Variants in GRIP1 observed in about 807,000 individuals in gnomAD.
GRIP1 encodes glutamate receptor-interacting protein 1.
Under a neutral mutation model 129.9 loss-of-function variants are expected in GRIP1, and 45 were observed. The ratio of observed to expected loss-of-function variants is 0.35; its 90% CI spans 0.27 to 0.44. GRIP1 has a LOEUF of 0.44. Ranked by LOEUF, GRIP1 falls within the 20% of genes least tolerant of loss-of-function variation. The pLI is 1.00. For missense variants in GRIP1, 1,196 were observed against 1,396.8 expected (o/e 0.86, Z 2.29); for synonymous variants, 530 against 520.8 (o/e 1.02, Z -0.24).
rs572351454 is a variant in GRIP1 at position 66,657,138 on chromosome 12, T to C, written c.55+21712A>G. 2.0e-5 allele frequency among the ~76,000 whole-genome samples: 3 copies of C among 152,332 alleles called. No homozygotes were observed. The South Asian group carries it at 6.2e-4, about 32-fold the overall frequency. ...TAGGGAATTAATCAAAAGGTTAGAT[T>C]TGCCTCACCAAATTTTCACCTTTAA... On this transcript the variant is annotated intron_variant, in intron 1 of 24. Coordinates refer to ENST00000359742, the MANE Select transcript of GRIP1 (RefSeq NM_001366722.1).
intron 2 of GRIP1, among the ~76,000 whole-genome samples, chr12:66,570,104 C>CATGTATGTATGTATGTATGTATGT (rs58598900): frequency 6.6e-6 from 1 of 150,716 alleles, no homozygotes; most frequent in African/African-American, 2.4e-5. Flanking sequence ...GTAGGCATTG[C>CATGTATGTATGTATGTATGTATGT]ATGTATGTAT....
chr12:66,676,665 T>C (rs944382497), intron 1 of GRIP1, among the ~76,000 whole-genome samples: 3 of 152,110 alleles, frequency 2.0e-5, no homozygotes, highest in East Asian at 3.9e-4. Flanking sequence ...GAAATATGTA[T>C]GTTTGGGAGT....
chr12:67,046,793 G>A (rs774382), intron 1 of GRIP1, among the ~76,000 whole-genome samples: 52,933 of 151,904 alleles, frequency 0.35, 10,467 homozygotes, highest in Non-Finnish European at 0.46. Context: ...TCACAGTAGT[G>A]GGATCCTTCA....
chr12:66,839,262 G>C (rs1178148622), intron 1 of GRIP1, among the ~76,000 whole-genome samples: 1 of 152,176 alleles, frequency 6.6e-6, no homozygotes, highest in African/African-American at 2.4e-5. Flanking sequence ...AAGCAAAATT[G>C]CCCAATCAGT....
chr12:66,449,650 T>G (rs935291827), intron 11 of GRIP1, among the ~76,000 whole-genome samples: 1 of 152,104 alleles, frequency 6.6e-6, no homozygotes, highest in African/African-American at 2.4e-5. Context: ...TGATGTAGAG[T>G]GTACCGTGAT....
intron 1 of GRIP1, among the ~76,000 whole-genome samples, chr12:66,821,322 T>C (rs375263607): frequency 6.6e-6 from 1 of 152,174 alleles, no homozygotes; most frequent in East Asian, 1.9e-4. Context: ...GCTATGAAAA[T>C]GGAGCTAAAT....
intron 1 of GRIP1, among the ~76,000 whole-genome samples, chr12:66,844,805 T>G (rs1004870774): frequency 6.6e-6 from 1 of 152,188 alleles, no homozygotes; most frequent in Non-Finnish European, 1.5e-5. Flanking sequence ...CTCTGACAGA[T>G]GCTGTAACAT....
chr12:66,753,579 A>G (rs756954787), intron 1 of GRIP1, among the ~76,000 whole-genome samples: 10 of 152,132 alleles, frequency 6.6e-5, no homozygotes, highest in Non-Finnish European at 1.3e-4. Context: ...ACCTTAACCA[A>G]TATCTTCATT....
At chr12:66,418,502 A>C (rs1304992993) in intron 15 of GRIP1, among the ~76,000 whole-genome samples, 1 of 152,218 alleles carries the variant, frequency 6.6e-6, no homozygotes, top group Admixed American at 6.5e-5. Context: ...GTGAAGAGAC[A>C]ACTCACATAA....
intron 1 of GRIP1, among the ~76,000 whole-genome samples, chr12:66,851,432 T>A (rs2137079577): frequency 6.6e-6 from 1 of 152,218 alleles, no homozygotes; most frequent in South Asian, 2.1e-4. Context: ...AATATAGAGT[T>A]TTATTACAAT....
At position 66,753,389 on chromosome 12, in the gene GRIP1, G is replaced by A. The variant is rs530754826; in HGVS notation, c.-420+50664C>T. 2.0e-5 allele frequency among the ~76,000 whole-genome samples: 3 copies of A among 152,120 alleles called. No homozygotes were observed. In the East Asian group the frequency reaches 5.8e-4, roughly 29 times the overall value. On this transcript the variant is annotated intron_variant, in intron 1 of 4. Coordinates refer to the GRIP1 transcript ENST00000538373. ...CACTTATTCTAAGGATCTGGGACAT[G>A]GTAAAGTAACAGTAGGAAGAATCCA...
At chr12:66,682,928 T>C (rs116903759), upstream of GRIP1, among the ~76,000 whole-genome samples, 3 of 152,186 alleles carry the variant, frequency 2.0e-5, no homozygotes, top group Non-Finnish European at 4.4e-5. Context: ...CTTATTCATT[T>C]AACTATTACA....
intron 3 of GRIP1, among the ~76,000 whole-genome samples, chr12:66,541,172 T>C (rs2061769507): frequency 6.6e-6 from 1 of 152,130 alleles, no homozygotes; most frequent in South Asian, 2.1e-4. Flanking sequence ...AGATTTAGAA[T>C]GTATCTCAAG....
chr12:66,590,007 C>A (rs1463592979), intron 2 of GRIP1, among the ~76,000 whole-genome samples: 3 of 151,802 alleles, frequency 2.0e-5, no homozygotes, highest in African/African-American at 7.3e-5. Context: ...ATTTTTTTTT[C>A]ACTGCAAAAG....
At chr12:66,758,925 G>C (rs988513745) in intron 1 of GRIP1, among the ~76,000 whole-genome samples, 4 of 152,146 alleles carry the variant, frequency 2.6e-5, no homozygotes, top group Non-Finnish European at 4.4e-5. Context: ...TCATGGGCTG[G>C]CATTGAGTGT....
chr12:66,533,043 T>C (rs115981538), intron 4 of GRIP1, among the ~76,000 whole-genome samples: 140 of 152,206 alleles, frequency 9.2e-4, no homozygotes, highest in African/African-American at 3.2e-3. Flanking sequence ...AAACAAACAA[T>C]ATGCTAGGAA....
intron 1 of GRIP1, among the ~76,000 whole-genome samples, chr12:66,831,142 C>T (rs907437235): frequency 7.2e-5 from 11 of 152,194 alleles, no homozygotes; most frequent in South Asian, 2.1e-4. Flanking sequence ...GTGCGAGCTA[C>T]GGCACACAGC....
At chr12:66,831,416 A>G (rs575690996) in intron 1 of GRIP1, among the ~76,000 whole-genome samples, 1 of 152,328 alleles carries the variant, frequency 6.6e-6, no homozygotes, top group East Asian at 1.9e-4. Flanking sequence ...AGAATGAATG[A>G]TTTGACTCTT....
intron 1 of GRIP1, among the ~76,000 whole-genome samples, chr12:66,879,848 A>G (rs2040445098): frequency 6.6e-6 from 1 of 152,080 alleles, no homozygotes; most frequent in Admixed American, 6.6e-5. Flanking sequence ...ATACAGTATA[A>G]CTAGCACTAT....
Sources: gnomAD v4.1 joint callset for allele counts (sites outside exome capture counted in the v4.1 genomes callset) on GRCh38, gnomAD v4.1.1 for gene constraint, MANE v1.5 for transcripts, NCBI Gene and HGNC (gene_info 2026-07-23, HGNC 2026-07-21) for gene names.